The following NCKAP5 variants were observed in gnomAD, a reference collection of about 807,000 sequenced individuals.
NCKAP5 encodes the protein NCK associated protein 5.
In NCKAP5, 92 loss-of-function variants were observed where a neutral mutation model predicts 167.0. That is an observed-to-expected ratio of 0.55 (90% CI 0.47 to 0.66). The LOEUF is 0.66. Ranked by LOEUF, NCKAP5 falls within the 30% of genes least tolerant of loss-of-function variation. NCKAP5 has a pLI of 0.00. For synonymous variants in NCKAP5, 891 were observed against 877.4 expected (o/e 1.02, Z -0.27); for missense variants, 2,378 against 2,315.0 (o/e 1.03, Z -0.56).
At chr2:133,195,673 G>C (rs1438274980) in intron 5 of NCKAP5, among the ~76,000 whole-genome samples, 1 of 152,034 alleles carries the variant, frequency 6.6e-6, no homozygotes, top group Non-Finnish European at 1.5e-5. Context: ...ATGAAAATCA[G>C]AAATTCTGAA....
intron 19 of NCKAP5, among the ~76,000 whole-genome samples, chr2:132,689,029 A>C (rs1311372961): frequency 2.0e-5 from 3 of 149,414 alleles, no homozygotes; most frequent in Non-Finnish European, 3.0e-5. Context: ...AAGATTCTCT[A>C]CTCTACTTCT....
intron 3 of NCKAP5, among the ~76,000 whole-genome samples, chr2:133,493,004 A>G (rs1681602969): frequency 6.6e-6 from 1 of 152,218 alleles, no homozygotes; most frequent in Admixed American, 6.5e-5. Context: ...GGTCATTAAC[A>G]ACCTCTGCAC....
intron 6 of NCKAP5, among the ~76,000 whole-genome samples, chr2:132,997,656 T>C (rs918740014): frequency 4.6e-5 from 7 of 152,064 alleles, no homozygotes. Flanking sequence ...CTTGACCTTA[T>C]TGGTATTCAG....
At chr2:132,678,462 G>A (rs1195721594) in intron 19 of NCKAP5, among the ~76,000 whole-genome samples, 1 of 152,246 alleles carries the variant, frequency 6.6e-6, no homozygotes. Flanking sequence ...GAGGATTGGA[G>A]CTCTTAGCAC....
intron 5 of NCKAP5, among the ~76,000 whole-genome samples, chr2:133,200,641 G>C (rs2085646801): frequency 6.6e-6 from 1 of 152,150 alleles, no homozygotes; most frequent in Non-Finnish European, 1.5e-5. Flanking sequence ...AAACATTCAT[G>C]TTTTAAAGGA....
intron 4 of NCKAP5, among the ~76,000 whole-genome samples, chr2:133,220,551 A>G (rs1029520932): frequency 6.6e-6 from 1 of 152,174 alleles, no homozygotes; most frequent in African/African-American, 2.4e-5. Context: ...TAGGTTTTAT[A>G]TATTCTTATA....
At chr2:133,067,253 G>A (rs575304936) in intron 6 of NCKAP5, among the ~76,000 whole-genome samples, 2 of 151,968 alleles carry the variant, frequency 1.3e-5, no homozygotes, top group African/African-American at 4.8e-5. Flanking sequence ...GAAATGTTGT[G>A]GTGTCTCACA....
chr2:132,730,511 C>CA (rs1690892826), intron 17 of NCKAP5, among the ~76,000 whole-genome samples: 1 of 152,032 alleles, frequency 6.6e-6, no homozygotes. Flanking sequence ...AAAACAAAAA[C>CA]AAAAAAGACA....
At chr2:132,748,309 T>G (rs1219437657) in intron 16 of NCKAP5, among the ~76,000 whole-genome samples, 1 of 152,214 alleles carries the variant, frequency 6.6e-6, no homozygotes, top group African/African-American at 2.4e-5. Flanking sequence ...CAAATTTGTA[T>G]CTCTTGGAAA....
intron 6 of NCKAP5, among the ~76,000 whole-genome samples, chr2:133,024,834 G>A (rs2149402265): frequency 6.6e-6 from 1 of 152,254 alleles, no homozygotes; most frequent in African/African-American, 2.4e-5. Flanking sequence ...ATGTTTCCTT[G>A]GATTTGGGAA....
At chr2:133,374,131 G>A (rs1023551472) in intron 3 of NCKAP5, among the ~76,000 whole-genome samples, 6 of 152,130 alleles carry the variant, frequency 3.9e-5, no homozygotes, top group African/African-American at 9.7e-5. Context: ...ATAGGTGAAC[G>A]GATAAACTGT....
intron 4 of NCKAP5, chr2:133,268,786 T>A (rs1440735620): frequency 3.3e-5 from 5 of 152,230 alleles, no homozygotes; most frequent in Non-Finnish European, 5.9e-5. Context: ...ACAGAATTTT[T>A]ATGAATATTT....
chr2:133,230,803 T>A (rs2087111778), intron 4 of NCKAP5, among the ~76,000 whole-genome samples: 1 of 152,190 alleles, frequency 6.6e-6, no homozygotes, highest in African/African-American at 2.4e-5. Flanking sequence ...TAGGAGGCAA[T>A]TTTAGTGAGA....
At chr2:133,275,101 G>A (rs2150432381) in intron 4 of NCKAP5, among the ~76,000 whole-genome samples, 2 of 151,962 alleles carry the variant, frequency 1.3e-5, no homozygotes, top group East Asian at 3.9e-4. Flanking sequence ...AAAGTGGGGG[G>A]AAGCATAGAA....
intron 3 of NCKAP5, among the ~76,000 whole-genome samples, chr2:133,361,450 C>T (rs1685098450): frequency 6.6e-6 from 1 of 152,220 alleles, no homozygotes; most frequent in African/African-American, 2.4e-5. Flanking sequence ...TATCTTTAAA[C>T]TCTTAATCTC....
rs570992919 is a variant in NCKAP5 at position 133,159,908 on chromosome 2, C to G, written c.208-29797G>C. ...GCTTGAAAAATGTTCTCAGGGGTCA[C>G]TCTAGGCAAAAGTATGATGGGGAGC... On this transcript the variant is annotated intron_variant, in intron 5 of 19. Coordinates refer to ENST00000409261, the MANE Select transcript of NCKAP5 (RefSeq NM_207363.3). Among the ~76,000 whole-genome samples, 17 of 152,158 alleles carry G rather than the reference C, an allele frequency of 1.1e-4. No homozygotes were observed. The South Asian group carries it at 1.7e-3, about 15-fold the overall frequency.
At chr2:133,270,295 C>T (rs1312822456) in intron 4 of NCKAP5, among the ~76,000 whole-genome samples, 3 of 151,960 alleles carry the variant, frequency 2.0e-5, no homozygotes, top group Non-Finnish European at 4.4e-5. Context: ...TTTTATTGTA[C>T]GTAAACTAAA....
At chr2:133,269,971 G>A (rs944283037) in intron 4 of NCKAP5, among the ~76,000 whole-genome samples, 9 of 152,174 alleles carry the variant, frequency 5.9e-5, no homozygotes, top group African/African-American at 1.9e-4. Flanking sequence ...CCTAGCAACC[G>A]GAAGGATGAA....
chr2:133,478,679 T>C (rs1485020676), intron 3 of NCKAP5, among the ~76,000 whole-genome samples: 1 of 152,200 alleles, frequency 6.6e-6, no homozygotes, highest in Non-Finnish European at 1.5e-5. Flanking sequence ...ACATACAGGA[T>C]AGTGATTTCA....
Sources: allele counts gnomAD v4.1 joint callset (sites outside exome capture counted in the v4.1 genomes callset), GRCh38; gene constraint gnomAD v4.1.1; transcripts MANE v1.5; gene names NCBI Gene and HGNC (gene_info 2026-07-23, HGNC 2026-07-21).